CADM2: variants seen among roughly 807,000 people sequenced by gnomAD.
CADM2 encodes the protein immunoglobulin superfamily member 4D.
A neutral mutation model predicts 49.8 loss-of-function variants in CADM2; 12 were observed. The ratio of observed to expected loss-of-function variants is 0.24; its 90% CI spans 0.15 to 0.39. The LOEUF is 0.39. Among genes scored for constraint, CADM2 ranks in the 10% least tolerant of loss-of-function variants. The probability of loss-of-function intolerance (pLI) is 1.00; values close to 1 mark genes in which losing one functional copy is unlikely to be tolerated. For synonymous variants in CADM2, 214 were observed against 175.4 expected, an observed-to-expected ratio of 1.22 and a Z score of -1.74; for missense variants, 378 against 492.3, an observed-to-expected ratio of 0.77 and a Z score of 2.20.
chr3:85,256,736 G>T (rs944974933), intron 1 of CADM2, among the ~76,000 whole-genome samples: 1 of 152,048 alleles, frequency 6.6e-6, no homozygotes, highest in Non-Finnish European at 1.5e-5. Context: ...TCAACTGCAT[G>T]TTTAGCGCAC....
chr3:86,012,291 G>T (rs1254147279), intron 8 of CADM2, among the ~76,000 whole-genome samples: 2 of 152,102 alleles, frequency 1.3e-5, no homozygotes, highest in Non-Finnish European at 2.9e-5. Context: ...TATTATAATA[G>T]AATAACATAT....
chr3:85,070,241 T>C (rs2036676394), intron 1 of CADM2, among the ~76,000 whole-genome samples: 1 of 152,174 alleles, frequency 6.6e-6, no homozygotes, highest in Non-Finnish European at 1.5e-5. Flanking sequence ...TTATGTGGGC[T>C]AAAATTATTA....
chr3:85,782,620 T>A (rs1015978150), intron 2 of CADM2, among the ~76,000 whole-genome samples: 27 of 146,950 alleles, frequency 1.8e-4, no homozygotes, highest in Non-Finnish European at 3.7e-4. Context: ...CGTGCCACTG[T>A]ACTCCAGCCT....
chr3:85,824,747 C>T (rs1341436293), intron 3 of CADM2, among the ~76,000 whole-genome samples: 1 of 152,102 alleles, frequency 6.6e-6, no homozygotes, highest in East Asian at 1.9e-4. Context: ...AGTGGAGTGG[C>T]AGTCTATCCT....
chr3:85,728,651 C>T lies in CADM2; in HGVS notation c.88+2103C>T, dbSNP rs185548883. 1.3e-3 allele frequency among the ~76,000 whole-genome samples: 198 copies of T among 152,044 alleles called. 1 individual carries two copies. The highest frequency in any genetic ancestry group is 2.8e-3 in the Admixed American group (42 of 15,272). On this transcript the variant is annotated intron_variant, in intron 2 of 9. Transcript: ENST00000383699. ...CCAGAAAAAGTACTTACCAGGGAACCGAGAGAAATTTTAAAGAAGATTATA... is the reference window on the plus strand; with the variant it reads ...CCAGAAAAAGTACTTACCAGGGAACTGAGAGAAATTTTAAAGAAGATTATA...
chr3:85,361,388 G>T (rs980110147), intron 1 of CADM2, among the ~76,000 whole-genome samples: 3 of 151,988 alleles, frequency 2.0e-5, no homozygotes, highest in African/African-American at 7.3e-5. Context: ...GTTTGCATTG[G>T]GCTTTGGAAA....
intron 1 of CADM2, among the ~76,000 whole-genome samples, chr3:85,520,231 A>G (rs2061000651): frequency 6.6e-6 from 1 of 151,926 alleles, no homozygotes; most frequent in Non-Finnish European, 1.5e-5. Flanking sequence ...AAGGATTTTC[A>G]TAAAAAGTGT....
intron 1 of CADM2, among the ~76,000 whole-genome samples, chr3:85,490,603 A>G (rs996356859): frequency 1.3e-5 from 2 of 152,086 alleles, no homozygotes; most frequent in South Asian, 4.1e-4. Flanking sequence ...CAAAAAATCC[A>G]AAATCCAAAA....
chr3:85,813,237 C>T (rs930780798), intron 3 of CADM2, among the ~76,000 whole-genome samples: 1 of 152,180 alleles, frequency 6.6e-6, no homozygotes, highest in African/African-American at 2.4e-5. Context: ...TGAATGATTG[C>T]CATTCTAACT....
intron 1 of CADM2, among the ~76,000 whole-genome samples, chr3:85,521,714 C>A (rs972076725): frequency 2.0e-5 from 3 of 152,206 alleles, no homozygotes; most frequent in Admixed American, 6.5e-5. Flanking sequence ...TTTACATATT[C>A]CGTGAGTTTA....
chr3:85,862,440 G>T (rs1480236858), intron 3 of CADM2, among the ~76,000 whole-genome samples: 1 of 152,060 alleles, frequency 6.6e-6, no homozygotes. Context: ...TGAATTACAA[G>T]AATTGAATTA....
At chr3:85,160,491 C>A (rs2040288956) in intron 1 of CADM2, among the ~76,000 whole-genome samples, 1 of 152,144 alleles carries the variant, frequency 6.6e-6, no homozygotes, top group Admixed American at 6.5e-5. Context: ...TTCACATCTA[C>A]AGTAGGGTCT....
At chr3:85,474,572 C>A (rs1490448884) in intron 1 of CADM2, among the ~76,000 whole-genome samples, 1 of 151,810 alleles carries the variant, frequency 6.6e-6, no homozygotes. Context: ...CATATCATTA[C>A]CTAAATGAGT....
At chr3:84,971,463 A>G (rs1011651377) in intron 1 of CADM2, among the ~76,000 whole-genome samples, 2 of 152,134 alleles carry the variant, frequency 1.3e-5, no homozygotes, top group African/African-American at 4.8e-5. Context: ...GATGAGGTAA[A>G]ACTAATGGTG....
intron 1 of CADM2, among the ~76,000 whole-genome samples, chr3:85,297,634 C>G (rs1304958596): frequency 6.6e-6 from 1 of 151,908 alleles, no homozygotes; most frequent in Non-Finnish European, 1.5e-5. Flanking sequence ...TTTATTTTGC[C>G]TAGGCCTCCT....
chr3:85,098,206 G>A (rs1205194645), intron 1 of CADM2, among the ~76,000 whole-genome samples: 2 of 150,810 alleles, frequency 1.3e-5, no homozygotes, highest in Non-Finnish European at 2.9e-5. Flanking sequence ...AGAAAATTAC[G>A]GACTGAATTC....
intron 1 of CADM2, among the ~76,000 whole-genome samples, chr3:85,223,598 T>C (rs1351150676): frequency 6.6e-6 from 1 of 152,076 alleles, no homozygotes; most frequent in East Asian, 1.9e-4. Context: ...TATGTTTTAT[T>C]TTTATTTTTT....
intron 1 of CADM2, among the ~76,000 whole-genome samples, chr3:85,060,912 T>C (rs1222323838): frequency 6.6e-6 from 1 of 151,954 alleles, no homozygotes; most frequent in Non-Finnish European, 1.5e-5. Context: ...CAATAACCAG[T>C]TAAAATATAA....
intron 6 of CADM2, among the ~76,000 whole-genome samples, chr3:85,924,384 G>A (rs1719550777): frequency 6.6e-6 from 1 of 151,926 alleles, no homozygotes; most frequent in South Asian, 2.1e-4. Flanking sequence ...GAGCTCAGGA[G>A]TTTGAAACCA....
Sources: allele counts gnomAD v4.1 joint callset (sites outside exome capture counted in the v4.1 genomes callset), GRCh38; gene constraint gnomAD v4.1.1; transcripts MANE v1.5; gene names NCBI Gene and HGNC (gene_info 2026-07-23, HGNC 2026-07-21).